Variants in EGFLAM observed in about 807,000 individuals in gnomAD.
EGFLAM encodes the protein EGF like, fibronectin type III and laminin G domains, also known as pikachurin.
A neutral mutation model predicts 113.1 loss-of-function variants in EGFLAM; 79 were observed. The observed-to-expected ratio is 0.70, with a 90% CI of 0.58 to 0.84. The LOEUF (loss-of-function observed/expected upper bound fraction) is 0.84, where lower values mean the gene tolerates loss of function less well. Ranked by LOEUF, EGFLAM falls within the 40% of genes least tolerant of loss-of-function variation. EGFLAM has a pLI of 0.00. For missense variants in EGFLAM, 1,265 were observed against 1,291.6 expected (o/e 0.98, Z 0.32); for synonymous variants, 504 against 487.6 (o/e 1.03, Z -0.44).
intron 1 of EGFLAM, among the ~76,000 whole-genome samples, chr5:38,334,675 T>C (rs752331420): frequency 2.2e-4 from 34 of 152,222 alleles, no homozygotes; most frequent in Non-Finnish European, 2.2e-4. Context: ...TCCTAGTCTG[T>C]GGCTTTTTAA....
At position 38,452,609 on chromosome 5, in the gene EGFLAM, C is replaced by A. The variant is rs369402980; in HGVS notation, c.2687+1151C>A. Among the ~76,000 whole-genome samples, 4 of 152,304 alleles carry A rather than the reference C, an allele frequency of 2.6e-5. No homozygotes were observed. The East Asian group carries it at 7.7e-4, about 29-fold the overall frequency. On this transcript the variant is annotated intron_variant, in intron 19 of 21. Transcript: ENST00000322350. ...CTCAGCAGCTCAGGGAGGTCTAAAA[C>A]CCTAAGCTCCAGGAGCCCTGACTTT... is the stretch of plus-strand genomic sequence containing the variant.
At chr5:38,384,167 A>C (rs2112069763) in intron 6 of EGFLAM, among the ~76,000 whole-genome samples, 1 of 152,222 alleles carries the variant, frequency 6.6e-6, no homozygotes, top group South Asian at 2.1e-4. Flanking sequence ...TTTAAGGAGA[A>C]CAGACATGAA....
chr5:38,443,518 G>A (rs1277953806), intron 17 of EGFLAM, among the ~76,000 whole-genome samples: 3 of 152,102 alleles, frequency 2.0e-5, no homozygotes, highest in Non-Finnish European at 4.4e-5. Flanking sequence ...TTTTTCCTTT[G>A]TGGCTACCGT....
chr5:38,395,440 A>G (rs1740934724), intron 6 of EGFLAM, among the ~76,000 whole-genome samples: 1 of 151,912 alleles, frequency 6.6e-6, no homozygotes, highest in South Asian at 2.1e-4. Flanking sequence ...TCTGAGAGAC[A>G]GGGTCTTACC....
intron 14 of EGFLAM, among the ~76,000 whole-genome samples, chr5:38,429,026 T>C (rs1299133376): frequency 6.6e-6 from 1 of 152,200 alleles, no homozygotes; most frequent in Admixed American, 6.5e-5. Context: ...TTGAAAACCA[T>C]TTCAAAGACT....
intron 1 of EGFLAM, among the ~76,000 whole-genome samples, chr5:38,326,801 A>ATT (rs377427126): frequency 3.3e-4 from 45 of 134,686 alleles, no homozygotes; most frequent in South Asian, 4.8e-4. Flanking sequence ...CCGTAAGGGT[A>ATT]TTTTTTTTTT....
intron 11 of EGFLAM, among the ~76,000 whole-genome samples, chr5:38,417,476 G>A (rs1014017200): frequency 6.6e-6 from 1 of 151,832 alleles, no homozygotes; most frequent in Admixed American, 6.6e-5. Context: ...GTCTAAGATG[G>A]GAAGTTTCCC....
intron 12 of EGFLAM, among the ~76,000 whole-genome samples, chr5:38,418,950 G>C (rs2112164361): frequency 6.6e-6 from 1 of 152,274 alleles, no homozygotes; most frequent in East Asian, 1.9e-4. Flanking sequence ...ACTGCAGACT[G>C]GGCAAGTTAA....
intron 6 of EGFLAM, among the ~76,000 whole-genome samples, chr5:38,388,777 A>G (rs951808972): frequency 6.1e-5 from 9 of 148,532 alleles, no homozygotes; most frequent in African/African-American, 2.3e-4. Flanking sequence ...AAAAAAAAAA[A>G]GTTAGCTGGG....
In EGFLAM at chr5:38,330,670, C is replaced by G. The variant is rs529362037; in HGVS notation, c.98-6850C>G. Among the ~76,000 whole-genome samples, 26 of 152,314 alleles carry G rather than the reference C, an allele frequency of 1.7e-4. No individual in the cohort carries two copies. In the South Asian group the frequency reaches 4.6e-3, roughly 27 times the overall value. On this transcript the variant is annotated intron_variant, in intron 1 of 21. Coordinates refer to ENST00000322350, the MANE Select transcript of EGFLAM (RefSeq NM_152403.4). ...GTTCCCCTGTTAGTGACCCAAGGAG[C>G]CTGCCTTGATCACTTGCAATTTTTC...
intron 5 of EGFLAM, among the ~76,000 whole-genome samples, chr5:38,354,205 T>G (rs1739703566): frequency 6.6e-6 from 1 of 151,888 alleles, no homozygotes; most frequent in African/African-American, 2.4e-5. Flanking sequence ...GAAGATAATC[T>G]ACGCCCCTGC....
Position 38,396,800 on chromosome 5 carries a change from C to T in EGFLAM, c.713-9326C>T, listed in dbSNP as rs1195663396. ...TGGCCTTGGGTTTTCCTGCTGTGTT[C>T]ACAGCCGCTTCTCCCATTATGCTTT... On this transcript the variant is annotated intron_variant, in intron 6 of 21. Coordinates refer to ENST00000322350, the MANE Select transcript of EGFLAM (RefSeq NM_152403.4). Among the ~76,000 whole-genome samples, 4 of 152,196 alleles carry T rather than the reference C, an allele frequency of 2.6e-5. No individual in the cohort carries two copies. The East Asian group carries it at 7.7e-4, about 29-fold the overall frequency.
chr5:38,441,998 G>T (rs1432556360), intron 17 of EGFLAM, among the ~76,000 whole-genome samples: 1 of 152,148 alleles, frequency 6.6e-6, no homozygotes, highest in African/African-American at 2.4e-5. Context: ...CATCAGGGGC[G>T]CACAGTCCTC....
Position 38,406,126 on chromosome 5 carries a change from G to T in EGFLAM, c.713G>T (p.Cys238Phe). ...GGGTGTGCTGCTTTTCTTTGTGAAGGCCCTGAGGAGGCGGGAAGTGGCCGC... is the reference window on the plus strand; with the variant it reads ...GGGTGTGCTGCTTTTCTTTGTGAAGTCCCTGAGGAGGCGGGAAGTGGCCGC... The part of the protein sequence containing the change: ...SWPSDIIRTL[C>F]PEEAGSGRYG... The change falls in exon 7 of 22, where the codon TGC becomes TTC. Residue 238 changes from cysteine (C) to phenylalanine (F), a missense_variant and splice_region_variant. Physicochemically the swap from Cys to Phe is radical, Grantham distance 205 (BLOSUM62 -2). Transcript: ENST00000322350. The T allele has an allele frequency of 6.2e-7, 1 of 1,613,586 alleles. No individual in the cohort carries two copies. Among genetic ancestry groups the T allele is most frequent in the Non-Finnish European group, 8.5e-7 (1 of 1,179,510 alleles).
Position 38,427,077 on chromosome 5 carries a change from G to A in EGFLAM, c.1879G>A (p.Glu627Lys), listed in dbSNP as rs1230455483. 3.1e-6 allele frequency: 5 copies of A among 1,613,916 alleles called. No individual in the cohort carries two copies. Among genetic ancestry groups the A allele is most frequent in the South Asian group, 1.1e-5 (1 of 91,082 alleles). The stretch of plus-strand genomic sequence containing the variant: ...TTACGCTGCAACTCCCTGGCCACTG[G>A]AGCCCCAGCATTACCTTTCCTTCAT... ...RSYAATPWPL[E>K]PQHYLSFMEF... Residue 627 changes from glutamate to lysine, a missense_variant, in exon 14 of 22, where the codon GAG (glutamate) becomes AAG (lysine). Physicochemically the swap from Glu to Lys is moderately conservative, Grantham distance 56. Coordinates refer to ENST00000322350, the MANE Select transcript of EGFLAM (RefSeq NM_152403.4).
At chr5:38,431,633 G>A (rs532877892) in intron 15 of EGFLAM, among the ~76,000 whole-genome samples, 1 of 152,296 alleles carries the variant, frequency 6.6e-6, no homozygotes, top group East Asian at 1.9e-4. Context: ...CTCTGGGGTA[G>A]GGCCTGTGGT....
intron 1 of EGFLAM, among the ~76,000 whole-genome samples, chr5:38,324,926 AC>A (rs905050192): frequency 6.6e-6 from 1 of 152,152 alleles, no homozygotes; most frequent in African/African-American, 2.4e-5. Flanking sequence ...TGGTGATGCC[AC>A]CTACCAGGGT....
intron 1 of EGFLAM, among the ~76,000 whole-genome samples, chr5:38,330,118 CT>C (rs1739002993): frequency 6.6e-6 from 1 of 152,142 alleles, no homozygotes; most frequent in Admixed American, 6.5e-5. Context: ...CTTCTGGTGA[CT>C]GTTTTACCCT....
chr5:38,388,957 T>G (rs1395882917), intron 6 of EGFLAM, among the ~76,000 whole-genome samples: 1 of 151,754 alleles, frequency 6.6e-6, no homozygotes, highest in African/African-American at 2.4e-5. Context: ...AATGAGTTTT[T>G]CAGTGAAAAT....
Sources: gnomAD v4.1 joint callset for allele counts (sites outside exome capture counted in the v4.1 genomes callset) on GRCh38, gnomAD v4.1.1 for gene constraint, MANE v1.5 for transcripts, NCBI Gene and HGNC (gene_info 2026-07-23, HGNC 2026-07-21) for gene names.